The following SLC23A2 variants were observed in gnomAD, a reference collection of about 807,000 sequenced individuals.
SLC23A2 encodes the protein solute carrier family 23 member 2, also known as Na(+)/L-ascorbic acid transporter 2.
Under a neutral mutation model 73.3 loss-of-function variants are expected in SLC23A2, and 36 were observed. The observed-to-expected ratio is 0.49, with a 90% CI of 0.38 to 0.65. The LOEUF is 0.65. Among genes scored for constraint, SLC23A2 ranks in the 30% least tolerant of loss-of-function variants. The probability of loss-of-function intolerance (pLI) is 0.00; values close to 1 mark genes in which losing one functional copy is unlikely to be tolerated. For synonymous variants in SLC23A2, 343 were observed against 327.3 expected (o/e 1.05, Z -0.52); for missense variants, 507 against 841.6 (o/e 0.60, Z 4.92).
rs548336734 is a variant in SLC23A2, at chr20:4,929,931, T to C, written c.108+2524A>G. Among the ~76,000 whole-genome samples the C allele has an allele frequency of 2.6e-5, 4 of 152,266 alleles. No individual in the cohort carries two copies. In the South Asian group the frequency reaches 8.3e-4, roughly 32 times the overall value. On this transcript the variant is annotated intron_variant, in intron 3 of 16. Coordinates refer to ENST00000338244, the MANE Select transcript of SLC23A2 (RefSeq NM_005116.6). The stretch of plus-strand genomic sequence containing the variant: ...AATAGTGGAGGGCAAACTACAATTA[T>C]TTCCAGATGTAGAAAGACTAAGATG...
chr20:5,007,996 G>A (rs1404463366), intron 1 of SLC23A2, among the ~76,000 whole-genome samples: 1 of 151,174 alleles, frequency 6.6e-6, no homozygotes, highest in East Asian at 1.9e-4. Flanking sequence ...TACAACCTCT[G>A]CCTCCTGGGT....
intron 5 of SLC23A2, among the ~76,000 whole-genome samples, chr20:4,901,208 G>A (rs539137554): frequency 2.6e-5 from 4 of 152,214 alleles, no homozygotes; most frequent in Admixed American, 1.3e-4. Context: ...CCTGCCAGTC[G>A]GGGTTACCAT....
chr20:4,917,351 T>G (rs1194299289), intron 3 of SLC23A2, among the ~76,000 whole-genome samples: 1 of 152,118 alleles, frequency 6.6e-6, no homozygotes, highest in Non-Finnish European at 1.5e-5. Context: ...AGAGCAATGA[T>G]GTGGACTTAA....
intron 1 of SLC23A2, among the ~76,000 whole-genome samples, chr20:5,007,137 C>A (rs937125210): frequency 6.6e-6 from 1 of 152,110 alleles, no homozygotes; most frequent in African/African-American, 2.4e-5. Flanking sequence ...GGCTTCTCCC[C>A]ACTCCACCGC....
upstream of SLC23A2, among the ~76,000 whole-genome samples, chr20:5,001,904 T>C (rs1172853269): frequency 6.6e-6 from 1 of 152,004 alleles, no homozygotes; most frequent in Non-Finnish European, 1.5e-5. Flanking sequence ...TGCATTGGGC[T>C]CAGTGGGTTG....
At chr20:4,920,408 T>C (rs1291266351) in intron 3 of SLC23A2, among the ~76,000 whole-genome samples, 3 of 152,178 alleles carry the variant, frequency 2.0e-5, no homozygotes, top group African/African-American at 7.2e-5. Context: ...AGTAGCCCCC[T>C]CAGCTTACCA....
At chr20:4,930,467 A>T (rs78401261) in intron 3 of SLC23A2, among the ~76,000 whole-genome samples, 2,393 of 152,332 alleles carry the variant, frequency 0.016, 62 homozygotes, top group African/African-American at 0.054. Flanking sequence ...AATTAATACA[A>T]TTTAAAAAAA....
At chr20:4,933,561 G>A (rs767962916) in intron 2 of SLC23A2, among the ~76,000 whole-genome samples, 3 of 152,020 alleles carry the variant, frequency 2.0e-5, no homozygotes, top group East Asian at 1.9e-4. Context: ...CCTGGAAGGC[G>A]GAGGTTGCAG....
At chr20:4,969,736 C>T (rs1006203632) in intron 2 of SLC23A2, among the ~76,000 whole-genome samples, 1 of 151,992 alleles carries the variant, frequency 6.6e-6, no homozygotes, top group African/African-American at 2.4e-5. Context: ...AGGCGTGCAC[C>T]ACCACATCCA....
At chr20:4,903,260 T>C (rs997019728) in intron 4 of SLC23A2, among the ~76,000 whole-genome samples, 3 of 152,164 alleles carry the variant, frequency 2.0e-5, no homozygotes, top group African/African-American at 7.2e-5. Flanking sequence ...AAAATCATCA[T>C]AAAGACCAGT....
rs1335074779 is a variant in SLC23A2, at chr20:4,853,507, C to T, written c.*3465G>A. The stretch of plus-strand genomic sequence containing the variant: ...TACGTATGGGTAAATAAAGTATACA[C>T]ACATACTAGAGATTCATCAATGGAG... On this transcript the variant is annotated 3_prime_UTR_variant, in exon 17 of 17. Coordinates refer to ENST00000338244, the MANE Select transcript of SLC23A2 (RefSeq NM_005116.6). 1 of 152,638 alleles carries T rather than the reference C, an allele frequency of 6.6e-6. No individual in the cohort carries two copies. The highest frequency in any genetic ancestry group is 1.5e-5 in the Non-Finnish European group (1 of 68,040). The allele number at this position is 152,638 out of a possible 1,614,324, so 9.5% of individuals were successfully genotyped here. A position where few individuals can be genotyped will look rare whatever the true frequency, so the allele number is the denominator to read the frequency against.
At chr20:4,933,450 C>G (rs1016003456) in intron 2 of SLC23A2, among the ~76,000 whole-genome samples, 1 of 144,644 alleles carries the variant, frequency 6.9e-6, no homozygotes, top group Non-Finnish European at 1.5e-5. Context: ...CCCGTCTCTA[C>G]TAAAAAAAAA....
intron 1 of SLC23A2, among the ~76,000 whole-genome samples, chr20:4,989,640 T>C (rs985899088): frequency 1.2e-4 from 16 of 133,716 alleles, no homozygotes; most frequent in African/African-American, 4.2e-4. Flanking sequence ...CTTGCCACTA[T>C]ACTTCAGCCT....
chr20:4,901,243 G>A (rs1931733695), intron 5 of SLC23A2, among the ~76,000 whole-genome samples: 1 of 152,138 alleles, frequency 6.6e-6, no homozygotes, highest in African/African-American at 2.4e-5. Context: ...GAAACGGGGT[G>A]AGGGAAGGGC....
Position 4,986,653 on chromosome 20 carries a change from C to T in SLC23A2, c.-282+14753G>A, listed in dbSNP as rs5840060. Reference sequence around the variant, plus strand: ...TGAGATACATACATACACACATACACACACACACACACACACACACACACA... The same window carrying T: ...TGAGATACATACATACACACATACATACACACACACACACACACACACACA... On this transcript the variant is annotated intron_variant, in intron 1 of 16. Transcript: ENST00000338244. 2.5e-3 allele frequency among the ~76,000 whole-genome samples: 68 copies of T among 27,028 alleles called. 1 individual carries two copies. Among genetic ancestry groups the T allele is most frequent in the African/African-American group, 7.9e-3 (46 of 5,820 alleles). The allele number at this position is 27,028 out of a possible 152,430, so 17.7% of individuals were successfully genotyped here.
chr20:4,966,809 T>TTTTAC (rs1182353939), intron 2 of SLC23A2, among the ~76,000 whole-genome samples: 18 of 109,822 alleles, frequency 1.6e-4, no homozygotes, highest in South Asian at 6.2e-4. Flanking sequence ...TTGATAGTTT[T>TTTTAC]ACACACACAC....
chr20:4,914,597 T>C (rs890571516), intron 3 of SLC23A2, among the ~76,000 whole-genome samples: 1 of 152,188 alleles, frequency 6.6e-6, no homozygotes. Context: ...GCTTATCCTC[T>C]AGAAATATCC....
At chr20:4,989,815 T>C (rs1030232925) in intron 1 of SLC23A2, among the ~76,000 whole-genome samples, 11 of 152,210 alleles carry the variant, frequency 7.2e-5, no homozygotes, top group African/African-American at 2.4e-4. Context: ...ATGCTCAATG[T>C]GTATTATGAT....
chr20:4,966,835 C>CACACACAT (rs1555806640), intron 2 of SLC23A2, among the ~76,000 whole-genome samples: 14 of 147,458 alleles, frequency 9.5e-5, no homozygotes, highest in African/African-American at 2.2e-4. Flanking sequence ...CACACACACA[C>CACACACAT]ACACACACAC....
Sources: gnomAD v4.1 joint callset for allele counts (sites outside exome capture counted in the v4.1 genomes callset) on GRCh38, gnomAD v4.1.1 for gene constraint, MANE v1.5 for transcripts, NCBI Gene and HGNC (gene_info 2026-07-23, HGNC 2026-07-21) for gene names.